DYRK1B: variants seen among roughly 807,000 people sequenced by gnomAD.
DYRK1B encodes dual specificity tyrosine phosphorylation regulated kinase 1B.
In DYRK1B, 20 loss-of-function variants were observed where a neutral mutation model predicts 57.1. The observed-to-expected ratio is 0.35, with a 90% CI of 0.25 to 0.51. The LOEUF (loss-of-function observed/expected upper bound fraction) is 0.51. DYRK1B is among the 20% of genes least tolerant of loss of function. The pLI, the probability that DYRK1B is intolerant of heterozygous loss-of-function variation, is 0.96. For synonymous variants in DYRK1B, 409 were observed against 384.7 expected (o/e 1.06, Z -0.74); for missense variants, 732 against 886.3 (o/e 0.83, Z 2.21).
rs1364549228 is a variant in DYRK1B, at chr19:39,825,944, G to A, written c.1661C>T (p.Ser554Leu). The A allele has an allele frequency of 7.8e-6, 12 of 1,535,070 alleles. No homozygotes were observed. The highest frequency in any genetic ancestry group is 1.0e-5 in the Non-Finnish European group (12 of 1,144,362). The change falls in exon 11 of 11, where the codon TCA becomes TTA. Residue 554 changes from serine to leucine, a missense_variant. By Grantham distance (145) the Ser-to-Leu change is moderately radical. Around this residue, in one of 2 missense-constraint regions of DYRK1B, gnomAD observed 222 missense variants for 205.0 expected, o/e 1.08. Transcript: ENST00000323039. ...PQPRYLGRPP[S>L]PTSPPPPELM... ...CTCCGGGGGTGGTGGTGAGGTTGGT[G>A]ATGGGGGACGACCAAGGTATCGGGG...
chr19:39,832,015 T>C, intron 1 of DYRK1B, 47 bp from the exon 2 acceptor site: 2 of 1,400,544 alleles, frequency 1.4e-6, no homozygotes, highest in South Asian at 3.2e-5. Flanking sequence ...CAAGGGGATA[T>C]GTGAATAGTG....
intron 4 of DYRK1B, 62 bp downstream of exon 4, chr19:39,830,313 C>G (rs752949578): frequency 6.2e-7 from 1 of 1,602,802 alleles, no homozygotes. Flanking sequence ...GCCACTGAAC[C>G]ACTGGGTGTG....
In DYRK1B at chr19:39,825,740, G is replaced by T. The variant is rs1410570160; in HGVS notation, c.1865C>A (p.Pro622His). 1.6e-5 allele frequency: 25 copies of T among 1,556,666 alleles called. No homozygotes were observed. Among genetic ancestry groups the T allele is most frequent in the Non-Finnish European group, 2.2e-5 (25 of 1,151,274 alleles). ...TCACGAGCTGGCTGCTGTGCTCTGG[G>T]GTACACCACGGAGGCCCAGGTGAGG... The part of the protein sequence containing the change: ...LGPHLGLRGV[P>H]QSTAASS The change falls in exon 11 of 11, where the codon CCC becomes CAC. Residue 622 changes from proline (P) to histidine (H), a missense_variant. Physicochemically the swap from Pro to His is moderately conservative, Grantham distance 77. Coordinates refer to ENST00000323039, the MANE Select transcript of DYRK1B (RefSeq NM_004714.3).
chr19:39,830,924 C>T (rs1968783875), intron 2 of DYRK1B, 141 bp from the exon 3 acceptor site: 2 of 1,025,678 alleles, frequency 1.9e-6, no homozygotes, highest in Non-Finnish European at 2.8e-6. Context: ...AGAAACTCCC[C>T]CAGGGCTGAG....
rs1157763138 is a variant in DYRK1B at position 39,828,127 on chromosome 19, C to A, written c.807+170G>T. Among the ~76,000 whole-genome samples the A allele has an allele frequency of 6.6e-6, 1 of 152,178 alleles. No individual in the cohort carries two copies. The highest frequency in any genetic ancestry group is 2.4e-5 in the African/African-American group (1 of 41,452). ...AATGGGCCCTGCCCCTCAGGCTTCA[C>A]CCTTCCCATCCTAGTGGGCAGTATA... On this transcript the variant is annotated intron_variant, in intron 6 of 10. Coordinates refer to ENST00000323039, the MANE Select transcript of DYRK1B (RefSeq NM_004714.3). The surrounding 1 kb of genome is among the most constrained non-coding windows in gnomAD (Gnocchi z 4.3).
rs371712594 is a variant in DYRK1B, at chr19:39,828,987, G to C, written c.521-404C>G. Among the ~76,000 whole-genome samples the C allele has an allele frequency of 1.4e-4, 22 of 152,280 alleles. No homozygotes were observed. The highest frequency in any genetic ancestry group is 4.6e-4 in the Admixed American group (7 of 15,294). Reference sequence around the variant, plus strand: ...AAATCCACTTGCTGTTTATGATTATGTTGTGATGTTTATGTCCATGAGCAG... The same window carrying C: ...AAATCCACTTGCTGTTTATGATTATCTTGTGATGTTTATGTCCATGAGCAG... On this transcript the variant is annotated intron_variant, in intron 5 of 10. Coordinates refer to ENST00000323039, the MANE Select transcript of DYRK1B (RefSeq NM_004714.3). This position sits in a 1 kb window ranked among gnomAD's most constrained non-coding sequence, Gnocchi z 4.3.
In DYRK1B at chr19:39,828,188, C is replaced by T; in HGVS notation, c.807+109G>A. 1 of 1,255,130 alleles carries T rather than the reference C, an allele frequency of 8.0e-7. No homozygotes were observed. The highest frequency in any genetic ancestry group is 1.1e-6 in the Non-Finnish European group (1 of 909,722). The allele number at this position is 1,255,130 out of a possible 1,614,324, so 77.7% of individuals were successfully genotyped here. On this transcript the variant is annotated intron_variant, in intron 6 of 10. Transcript: ENST00000323039. This position sits in a 1 kb window ranked among gnomAD's most constrained non-coding sequence, Gnocchi z 4.3. ...CACCCCAAGCATTATCCCTCAGTTCCCACGGCTCCTAATAATCCCATCCCA... is the reference window on the plus strand; with the variant it reads ...CACCCCAAGCATTATCCCTCAGTTCTCACGGCTCCTAATAATCCCATCCCA...
At chr19:39,827,073 G>T in intron 8 of DYRK1B, 86 bp from the exon 9 acceptor site, 1 of 1,245,060 alleles carries the variant, frequency 8.0e-7, no homozygotes, top group Non-Finnish European at 1.1e-6. Flanking sequence ...GGAAACAGAG[G>T]CACAAGAGAG....
rs973094880 is a variant in DYRK1B at position 39,825,353 on chromosome 19, G to C, written c.*362C>G. The C allele has an allele frequency of 1.9e-5, 4 of 213,202 alleles. No individual in the cohort carries two copies. The highest frequency in any genetic ancestry group is 3.8e-5 in the Non-Finnish European group (4 of 104,858). 13.2% of individuals were successfully genotyped at this position (213,202 alleles called of 1,614,324 possible). The stretch of plus-strand genomic sequence containing the variant: ...CCTGCAAACGCTCAGGCAGGCATGT[G>C]AGAAAGCTCTTTACTGGGGGTACAG... On this transcript the variant is annotated 3_prime_UTR_variant, in exon 11 of 11. Transcript: ENST00000323039.
At chr19:39,829,371 C>A (rs780361451) in intron 5 of DYRK1B, among the ~76,000 whole-genome samples, 1 of 151,860 alleles carries the variant, frequency 6.6e-6, no homozygotes, top group Non-Finnish European at 1.5e-5. Flanking sequence ...GGACTACAGG[C>A]GCGCACCACC....
At position 39,834,143 on chromosome 19, in the gene DYRK1B, A is replaced by C; in HGVS notation, c.-222T>G. The C allele has an allele frequency of 4.4e-6, 1 of 225,486 alleles. No individual in the cohort carries two copies. The highest frequency in any genetic ancestry group is 9.0e-6 in the Non-Finnish European group (1 of 110,780). 14.0% of individuals were successfully genotyped at this position (225,486 alleles called of 1,614,324 possible). A position where few individuals can be genotyped will look rare whatever the true frequency, so the allele number is the denominator to read the frequency against. On this transcript the variant is annotated 5_prime_UTR_variant, in exon 1 of 11. Coordinates refer to ENST00000323039, the MANE Select transcript of DYRK1B (RefSeq NM_004714.3). ...GCCCCGATTACCCAGTAATGCAACC[A>C]GCAAAATGGCGACCACAACAAACCG... is the stretch of plus-strand genomic sequence containing the variant.
chr19:39,832,089 G>A (rs971153895), intron 1 of DYRK1B, 121 bp from the exon 2 acceptor site: 5 of 1,130,862 alleles, frequency 4.4e-6, no homozygotes, highest in African/African-American at 1.6e-5. Context: ...AGGGCACAAC[G>A]GAGCAGCAGA....
Position 39,826,993 on chromosome 19 carries a change from AGGGAGGGGGT to A in DYRK1B, c.1096-16_1096-7del. On this transcript the variant is annotated splice_region_variant and splice_polypyrimidine_tract_variant and intron_variant, in intron 8 of 10. Transcript: ENST00000323039. This position sits in a 1 kb window ranked among gnomAD's most constrained non-coding sequence, Gnocchi z 6.3. ...GTCCCGGGGCCCTGGTAATCCTGGC[AGGGAGGGGGT>A]GGGAGGGGGGGCAAGAGAGTGGCCG... 5.4e-5 allele frequency: 7 copies of A among 128,790 alleles called. No individual in the cohort carries two copies. Among genetic ancestry groups the A allele is most frequent in the Non-Finnish European group, 6.7e-5 (6 of 89,636 alleles). 8.0% of individuals were successfully genotyped at this position (128,790 alleles called of 1,614,324 possible).
rs1466349313 is a variant in DYRK1B, at chr19:39,827,411, G to T, written c.969C>A (p.Asn323Lys). 6.2e-7 allele frequency: 1 copy of T among 1,612,614 alleles called. No homozygotes were observed. The highest frequency in any genetic ancestry group is 2.2e-5 in the East Asian group (1 of 44,824). The change falls in exon 8 of 11, where the codon AAC becomes AAA. Residue 323 changes from asparagine to lysine, a missense_variant. Physicochemically the swap from Asn to Lys is moderately conservative, Grantham distance 94. Around this residue, in one of 2 missense-constraint regions of DYRK1B, gnomAD observed 510 missense variants for 681.3 expected, o/e 0.75. Coordinates refer to ENST00000323039, the MANE Select transcript of DYRK1B (RefSeq NM_004714.3). ...FSGSNEVDQM[N>K]RIVEVLGIPP... ...GGATGCCCAGCACCTCCACAATGCGGTTCATCTGGTCGACCTGTGAGCAGG... is the reference window on the plus strand; with the variant it reads ...GGATGCCCAGCACCTCCACAATGCGTTTCATCTGGTCGACCTGTGAGCAGG...
At chr19:39,833,033 G>A (rs536130239) in intron 1 of DYRK1B, 1 of 985,086 alleles carries the variant, frequency 1.0e-6, no homozygotes, top group Admixed American at 6.2e-5. Flanking sequence ...CTCCTAGAGG[G>A]CCTCAAAGTC....
In DYRK1B at chr19:39,830,019, T is replaced by C. The variant is rs572159092; in HGVS notation, c.381A>G (p.Lys127=). ...IGKGSFGQVV[K]AYDHQTQELV... is the part of the protein sequence containing the mutation. ...GCTCCTGGGTCTGATGATCATAGGC[T>C]TTCACCACCTGTTGGGGCAGGGCAT... Residue 127 remains lysine, a synonymous_variant, in exon 5 of 11, where the codon AAA becomes AAG. Coordinates refer to ENST00000323039, the MANE Select transcript of DYRK1B (RefSeq NM_004714.3). The C allele has an allele frequency of 2.5e-6, 4 of 1,613,968 alleles. No individual in the cohort carries two copies. Among genetic ancestry groups the C allele is most frequent in the Admixed American group, 3.3e-5 (2 of 59,998 alleles).
At chr19:39,833,461 C>T in intron 1 of DYRK1B, 1 of 532,668 alleles carries the variant, frequency 1.9e-6, no homozygotes, top group Non-Finnish European at 2.4e-6. Flanking sequence ...CCGCCACTGC[C>T]ACCGGGGGCG....
chr19:39,830,635 C>T, intron 3 of DYRK1B, 29 bp downstream of exon 3: 1 of 1,613,064 alleles, frequency 6.2e-7, no homozygotes, highest in South Asian at 1.1e-5. Flanking sequence ...CCTCGGCACC[C>T]AGCCCAGGAT....
At chr19:39,830,880 G>C (rs1968780554) in intron 2 of DYRK1B, 97 bp from the exon 3 acceptor site, 1 of 1,407,600 alleles carries the variant, frequency 7.1e-7, no homozygotes, top group Non-Finnish European at 9.5e-7. Flanking sequence ...CATGTATTTG[G>C]TTGCTGTCTG....
Sources: gnomAD v4.1 joint callset for allele counts (sites outside exome capture counted in the v4.1 genomes callset) on GRCh38, gnomAD v4.1.1 for gene constraint, gnomAD v4.1.1 regional missense constraint, Gnocchi (gnomAD v3.1) non-coding constraint, MANE v1.5 for transcripts, NCBI Gene and HGNC (gene_info 2026-07-23, HGNC 2026-07-21) for gene names.